Variants in LPP observed in about 807,000 individuals in gnomAD.
The protein encoded by LPP is lipoma-preferred partner.
LPP carries 38 observed loss-of-function variants against 60.4 expected under a neutral mutation model. That is an observed-to-expected ratio of 0.63 (90% CI 0.49 to 0.83). The LOEUF is 0.83. Ranked by LOEUF, LPP falls within the 40% of genes least tolerant of loss-of-function variation. The pLI, the probability that LPP is intolerant of heterozygous loss-of-function variation, is 0.00. For missense variants in LPP, 902 were observed against 783.6 expected (o/e 1.15, Z -1.80); for synonymous variants, 328 against 290.8 (o/e 1.13, Z -1.30).
chr3:188,753,076 CAT>C (rs1367369348), intron 8 of LPP, among the ~76,000 whole-genome samples: 41 of 152,256 alleles, frequency 2.7e-4, no homozygotes, highest in Admixed American at 4.6e-4. Context: ...TACATAGAAA[CAT>C]GTGCTGATTG....
intron 7 of LPP, among the ~76,000 whole-genome samples, chr3:188,671,359 G>A (rs1856917425): frequency 6.6e-6 from 1 of 152,108 alleles, no homozygotes. Context: ...CAAGTTAAAG[G>A]CTATAAAAAT....
intron 3 of LPP, among the ~76,000 whole-genome samples, chr3:188,354,830 C>CACACGG (rs1553873454): frequency 1.9e-5 from 1 of 52,102 alleles, no homozygotes; most frequent in Non-Finnish European, 4.1e-5. Context: ...CGCACACACA[C>CACACGG]ACACAGACAC....
chr3:188,287,649 AG>A (rs1263668776), intron 2 of LPP, among the ~76,000 whole-genome samples: 1 of 152,084 alleles, frequency 6.6e-6, no homozygotes, highest in African/African-American at 2.4e-5. Flanking sequence ...AAGGAAAAAA[AG>A]AAGCATTTTA....
chr3:188,868,380 G>A (rs1049256903), intron 10 of LPP, among the ~76,000 whole-genome samples: 1 of 152,114 alleles, frequency 6.6e-6, no homozygotes, highest in African/African-American at 2.4e-5. Context: ...TTAGAGACTG[G>A]TGACTGATGA....
chr3:188,420,654 G>A (rs968865879), intron 4 of LPP, among the ~76,000 whole-genome samples: 18 of 152,058 alleles, frequency 1.2e-4, no homozygotes, highest in South Asian at 2.1e-4. Context: ...TCAGACCCTC[G>A]AAGAGATTCT....
chr3:188,738,411 C>A (rs1342316412), intron 8 of LPP, among the ~76,000 whole-genome samples: 1 of 152,084 alleles, frequency 6.6e-6, no homozygotes, highest in Admixed American at 6.6e-5. Flanking sequence ...ATAGGTTATA[C>A]AAACCTGTAA....
chr3:188,333,266 G>T (rs1469552028), intron 2 of LPP, among the ~76,000 whole-genome samples: 1 of 152,096 alleles, frequency 6.6e-6, no homozygotes, highest in Non-Finnish European at 1.5e-5. Flanking sequence ...TATATTTGGA[G>T]AATTTGGAAG....
chr3:188,800,288 C>T (rs772602003), intron 9 of LPP, among the ~76,000 whole-genome samples: 95 of 139,416 alleles, frequency 6.8e-4, no homozygotes, highest in Non-Finnish European at 1.3e-3. Flanking sequence ...CTCTGTCGCT[C>T]AGGCTGGGGT....
chr3:188,319,213 G>C (rs900879071), intron 2 of LPP, among the ~76,000 whole-genome samples: 1 of 152,146 alleles, frequency 6.6e-6, no homozygotes, highest in Non-Finnish European at 1.5e-5. Flanking sequence ...ACACACACTG[G>C]AACAGACTTT....
At chr3:188,449,792 T>C (rs1467096229) in intron 4 of LPP, among the ~76,000 whole-genome samples, 1 of 152,066 alleles carries the variant, frequency 6.6e-6, no homozygotes, top group African/African-American at 2.4e-5. Context: ...ATAAGTAACA[T>C]TTATATTGCT....
intron 2 of LPP, among the ~76,000 whole-genome samples, chr3:188,263,308 A>C (rs934616780): frequency 1.3e-5 from 2 of 152,174 alleles, no homozygotes; most frequent in African/African-American, 2.4e-5. Context: ...TCATCACTTA[A>C]GCGCTAATCC....
intron 2 of LPP, among the ~76,000 whole-genome samples, chr3:188,261,628 C>T (rs1417023189): frequency 1.3e-5 from 2 of 152,030 alleles, no homozygotes; most frequent in Non-Finnish European, 2.9e-5. Flanking sequence ...ATTCTTGGGA[C>T]CGGACATGGT....
intron 8 of LPP, among the ~76,000 whole-genome samples, chr3:188,757,839 A>C (rs72658767): frequency 0.066 from 9,807 of 148,680 alleles, 434 homozygotes; most frequent in South Asian, 0.12. Context: ...GTTAGAATTT[A>C]AGCATGATTT....
intron 8 of LPP, among the ~76,000 whole-genome samples, chr3:188,721,597 C>T (rs1422401555): frequency 6.6e-6 from 1 of 151,958 alleles, no homozygotes; most frequent in Middle Eastern, 3.2e-3. Context: ...TTTCATGCAC[C>T]AGCTAATGTT....
At chr3:188,799,800 G>C (rs760541210) in intron 9 of LPP, among the ~76,000 whole-genome samples, 24 of 152,118 alleles carry the variant, frequency 1.6e-4, no homozygotes, top group Admixed American at 3.9e-4. Context: ...ATGCTATATA[G>C]TGCAATGTTC....
chr3:188,794,565 G>T (rs1226564982), intron 9 of LPP, among the ~76,000 whole-genome samples: 1 of 152,072 alleles, frequency 6.6e-6, no homozygotes. Context: ...CCATTTCCTT[G>T]TGTTAGAAAA....
intron 9 of LPP, among the ~76,000 whole-genome samples, chr3:188,779,426 A>G (rs1224459753): frequency 2.0e-5 from 3 of 152,140 alleles, no homozygotes; most frequent in Non-Finnish European, 4.4e-5. Flanking sequence ...TAGCACACGC[A>G]AGGACCCTTC....
intron 8 of LPP, among the ~76,000 whole-genome samples, chr3:188,724,401 CT>C (rs1717597074): frequency 1.3e-5 from 2 of 152,216 alleles, no homozygotes; most frequent in Non-Finnish European, 2.9e-5. Flanking sequence ...TTTTCCTCTA[CT>C]TTCCTTGGGG....
At chr3:188,542,345 T>A (rs1825428623) in intron 6 of LPP, among the ~76,000 whole-genome samples, 1 of 152,192 alleles carries the variant, frequency 6.6e-6, no homozygotes, top group Admixed American at 6.6e-5. Context: ...ACACACAATA[T>A]CTTGTTAAAC....
Sources: allele counts gnomAD v4.1 joint callset (sites outside exome capture counted in the v4.1 genomes callset), GRCh38; gene constraint gnomAD v4.1.1; transcripts MANE v1.5; gene names NCBI Gene and HGNC (gene_info 2026-07-23, HGNC 2026-07-21).